RSRC1: variants seen among roughly 807,000 people sequenced by gnomAD.
RSRC1 encodes serine/Arginine-related protein 53.
RSRC1 carries 39 observed loss-of-function variants against 49.1 expected under a neutral mutation model. The ratio of observed to expected loss-of-function variants is 0.79; its 90% CI spans 0.61 to 1.04. RSRC1 has a LOEUF of 1.04. Ranked by LOEUF, RSRC1 falls within the 50% of genes least tolerant of loss-of-function variation. The pLI is 0.00. For missense variants in RSRC1, 388 were observed against 402.4 expected (o/e 0.96, Z 0.31); for synonymous variants, 143 against 130.8 (o/e 1.09, Z -0.63).
chr3:158,312,473 T>G (rs1728187150), intron 5 of RSRC1, among the ~76,000 whole-genome samples: 1 of 152,118 alleles, frequency 6.6e-6, no homozygotes, highest in African/African-American at 2.4e-5. Flanking sequence ...ATTTAATAAA[T>G]AGAAGAAGCA....
chr3:158,305,015 A>G (rs1255283887), intron 5 of RSRC1, among the ~76,000 whole-genome samples: 1 of 152,176 alleles, frequency 6.6e-6, no homozygotes, highest in Non-Finnish European at 1.5e-5. Flanking sequence ...TAATCTAGTC[A>G]TAAACAGTGC....
At chr3:158,332,971 G>GTTTTTTTT (rs371669802) in intron 5 of RSRC1, among the ~76,000 whole-genome samples, 2 of 136,120 alleles carry the variant, frequency 1.5e-5, no homozygotes, top group Non-Finnish European at 3.2e-5. Context: ...TCTGTTTTTT[G>GTTTTTTTT]TTTTTTTTTT....
intron 6 of RSRC1, among the ~76,000 whole-genome samples, chr3:158,413,118 G>A (rs1304548050): frequency 6.6e-6 from 1 of 152,128 alleles, no homozygotes; most frequent in African/African-American, 2.4e-5. Flanking sequence ...AGCCAAAACA[G>A]TGTGGTACTG....
intron 6 of RSRC1, among the ~76,000 whole-genome samples, chr3:158,406,886 C>T (rs1734183573): frequency 6.6e-6 from 1 of 152,032 alleles, no homozygotes; most frequent in South Asian, 2.1e-4. Flanking sequence ...GGGCTTTAGT[C>T]GGCTTCTGCT....
intron 3 of RSRC1, among the ~76,000 whole-genome samples, chr3:158,175,765 G>C (rs1440459384): frequency 6.6e-6 from 1 of 151,998 alleles, no homozygotes; most frequent in East Asian, 1.9e-4. Context: ...ACGTAGATTT[G>C]GTCTTTTTAC....
In RSRC1 at chr3:158,544,543, G is replaced by C. The variant is rs1316611919; in HGVS notation, c.*268G>C. 4.3e-6 allele frequency: 1 copy of C among 232,446 alleles called. No individual in the cohort carries two copies. Among genetic ancestry groups the C allele is most frequent in the Non-Finnish European group, 8.3e-6 (1 of 119,970 alleles). The allele number at this position is 232,446 out of a possible 1,614,324, so 14.4% of individuals were successfully genotyped here. A position where few individuals can be genotyped will look rare whatever the true frequency, so the allele number is the denominator to read the frequency against. The stretch of plus-strand genomic sequence containing the variant: ...ATAAATAAGTCTGTTAAAATGAATG[G>C]TAGACACTAGTGTTTCTTAGTGCAA... On this transcript the variant is annotated 3_prime_UTR_variant, in exon 10 of 10. Transcript: ENST00000611884.
At chr3:158,285,067 C>T (rs533899530) in intron 4 of RSRC1, among the ~76,000 whole-genome samples, 2,082 of 152,082 alleles carry the variant, frequency 0.014, 22 homozygotes, top group Middle Eastern at 0.031. Context: ...AATTAATTTT[C>T]GTATAAGGTG....
chr3:158,438,359 A>G (rs993260090), intron 6 of RSRC1, among the ~76,000 whole-genome samples: 2 of 152,210 alleles, frequency 1.3e-5, no homozygotes, highest in Non-Finnish European at 2.9e-5. Context: ...CCACATAGCC[A>G]AGACAATCCT....
chr3:158,428,971 C>G (rs1036704461), intron 6 of RSRC1, among the ~76,000 whole-genome samples: 1 of 151,788 alleles, frequency 6.6e-6, no homozygotes, highest in Non-Finnish European at 1.5e-5. Flanking sequence ...CTAGTAGCTT[C>G]TTGATTTGCA....
chr3:158,179,536 AC>A (rs1719458161), intron 3 of RSRC1, among the ~76,000 whole-genome samples: 1 of 151,644 alleles, frequency 6.6e-6, no homozygotes, highest in Non-Finnish European at 1.5e-5. Flanking sequence ...ACTCACCATA[AC>A]CCCCTGGAGA....
At chr3:158,210,298 C>G (rs2108287403) in intron 4 of RSRC1, among the ~76,000 whole-genome samples, 1 of 152,068 alleles carries the variant, frequency 6.6e-6, no homozygotes. Flanking sequence ...TATCACACTT[C>G]CAATGTGACA....
rs10618455 is a variant in RSRC1 at position 158,321,282 on chromosome 3, TTCCTCC to T, written c.531+23219_531+23224del. Among the ~76,000 whole-genome samples, 845 of 150,114 alleles carry T rather than the reference TTCCTCC, an allele frequency of 5.6e-3. 8 individuals are homozygous for T. The highest frequency in any genetic ancestry group is 0.019 in the African/African-American group (797 of 40,926). ...CTTCTTTTTCTTCTTCCTCTTCCTC[TTCCTCC>T]TCCTCCTCCTCTTCTTCCTCTTCTT... On this transcript the variant is annotated intron_variant, in intron 5 of 9. Coordinates refer to ENST00000611884, the MANE Select transcript of RSRC1 (RefSeq NM_001271838.2).
rs931716034 is a variant in RSRC1 at position 158,374,750 on chromosome 3, G to T, written c.583+19842G>T. Among the ~76,000 whole-genome samples, 101 of 103,784 alleles carry T rather than the reference G, an allele frequency of 9.7e-4. 1 individual carries two copies. Among genetic ancestry groups the T allele is most frequent in the African/African-American group, 4.1e-3 (101 of 24,832 alleles). 68.1% of individuals were successfully genotyped at this position (103,784 alleles called of 152,430 possible). ...GATGTATTATATATGCTCATAAAAG[G>T]TCATTTTGAATTTTGAATTAAAATA... On this transcript the variant is annotated intron_variant, in intron 6 of 9. Coordinates refer to ENST00000611884, the MANE Select transcript of RSRC1 (RefSeq NM_001271838.2).
intron 7 of RSRC1, among the ~76,000 whole-genome samples, chr3:158,481,602 T>C (rs1340362241): frequency 1.3e-5 from 2 of 152,092 alleles, no homozygotes; most frequent in African/African-American, 4.8e-5. Flanking sequence ...ATTAAGTTAC[T>C]AGTTCCTGAA....
At chr3:158,497,301 A>G (rs892619939) in intron 7 of RSRC1, among the ~76,000 whole-genome samples, 6 of 146,526 alleles carry the variant, frequency 4.1e-5, no homozygotes, top group African/African-American at 1.5e-4. Context: ...ATTTCGTTAC[A>G]TGAGTAAGTT....
chr3:158,386,294 TTAAA>T (rs1190471088), intron 6 of RSRC1, among the ~76,000 whole-genome samples: 1 of 152,092 alleles, frequency 6.6e-6, no homozygotes, highest in Non-Finnish European at 1.5e-5. Context: ...ATTAAGAAAT[TTAAA>T]TAGGAGAAGT....
At chr3:158,540,465 C>G (rs1165385587) in intron 8 of RSRC1, among the ~76,000 whole-genome samples, 1 of 152,082 alleles carries the variant, frequency 6.6e-6, no homozygotes, top group Non-Finnish European at 1.5e-5. Flanking sequence ...AGATATCTAT[C>G]CCTCAGATAT....
chr3:158,480,286 T>C (rs1738555682), intron 7 of RSRC1, among the ~76,000 whole-genome samples: 1 of 152,066 alleles, frequency 6.6e-6, no homozygotes, highest in South Asian at 2.1e-4. Flanking sequence ...ATTTTGGATT[T>C]TTTTAAAAAG....
chr3:158,162,199 ATACTC>A (rs1291154738), intron 3 of RSRC1, among the ~76,000 whole-genome samples: 4 of 152,184 alleles, frequency 2.6e-5, no homozygotes, highest in African/African-American at 9.6e-5. Flanking sequence ...GCTTCTCAAA[ATACTC>A]TAAGTAAATC....
Sources: allele counts gnomAD v4.1 joint callset (sites outside exome capture counted in the v4.1 genomes callset), GRCh38; gene constraint gnomAD v4.1.1; transcripts MANE v1.5; gene names NCBI Gene and HGNC (gene_info 2026-07-23, HGNC 2026-07-21).